Variants in NLGN1 observed in about 807,000 individuals in gnomAD.
The protein encoded by NLGN1 is neuroligin-1.
A neutral mutation model predicts 65.5 loss-of-function variants in NLGN1; 12 were observed. The ratio of observed to expected loss-of-function variants is 0.18; its 90% CI spans 0.12 to 0.30. The LOEUF (loss-of-function observed/expected upper bound fraction) is 0.30, where lower values mean the gene tolerates loss of function less well. Among genes scored for constraint, NLGN1 ranks in the 10% least tolerant of loss-of-function variants. The pLI, the probability that NLGN1 is intolerant of heterozygous loss-of-function variation, is 1.00. For missense variants in NLGN1, 750 were observed against 1,007.1 expected (o/e 0.74, Z 3.46); for synonymous variants, 350 against 359.5 (o/e 0.97, Z 0.30).
intron 4 of NLGN1, among the ~76,000 whole-genome samples, chr3:174,085,024 C>T (rs1422495673): frequency 6.6e-6 from 1 of 151,886 alleles, no homozygotes; most frequent in Non-Finnish European, 1.5e-5. Flanking sequence ...GAAAGAAAAA[C>T]ATTCTCATAT....
At chr3:174,241,968 T>G (rs1241003176) in intron 4 of NLGN1, among the ~76,000 whole-genome samples, 1 of 152,114 alleles carries the variant, frequency 6.6e-6, no homozygotes, top group African/African-American at 2.4e-5. Flanking sequence ...CCAACGTATC[T>G]TTATCAATGT....
At chr3:173,736,697 A>G (rs1287054246) in intron 3 of NLGN1, among the ~76,000 whole-genome samples, 1 of 152,064 alleles carries the variant, frequency 6.6e-6, no homozygotes, top group Non-Finnish European at 1.5e-5. Flanking sequence ...TACCTACAAA[A>G]TATTAAAGGT....
At chr3:173,987,160 A>T (rs571666497) in intron 4 of NLGN1, among the ~76,000 whole-genome samples, 1 of 152,186 alleles carries the variant, frequency 6.6e-6, no homozygotes, top group African/African-American at 2.4e-5. Context: ...CTTCCCTGAA[A>T]TTACTGCTAC....
chr3:173,412,105 A>G (rs1712691993), intron 1 of NLGN1, among the ~76,000 whole-genome samples: 1 of 152,190 alleles, frequency 6.6e-6, no homozygotes, highest in Non-Finnish European at 1.5e-5. Flanking sequence ...TTCAAAATGT[A>G]AAATTGTGTT....
intron 4 of NLGN1, among the ~76,000 whole-genome samples, chr3:173,891,638 A>G (rs988585521): frequency 2.6e-5 from 4 of 152,134 alleles, no homozygotes; most frequent in Non-Finnish European, 4.4e-5. Flanking sequence ...GTCCAGGCCC[A>G]TTTGCCAACC....
chr3:173,504,367 A>G (rs1370347203), intron 2 of NLGN1, among the ~76,000 whole-genome samples: 1 of 152,124 alleles, frequency 6.6e-6, no homozygotes, highest in Non-Finnish European at 1.5e-5. Flanking sequence ...CTGATAGCTC[A>G]TATGTGTGCT....
At chr3:174,058,756 G>T (rs988950066) in intron 4 of NLGN1, among the ~76,000 whole-genome samples, 2 of 150,638 alleles carry the variant, frequency 1.3e-5, no homozygotes, top group African/African-American at 4.9e-5. Context: ...TAGTTATAGT[G>T]AAAAAAAAAT....
At chr3:173,842,993 C>T (rs901914788) in intron 4 of NLGN1, among the ~76,000 whole-genome samples, 5 of 152,224 alleles carry the variant, frequency 3.3e-5, no homozygotes, top group Admixed American at 6.5e-5. Flanking sequence ...GGCATCCAGG[C>T]GTTTCCATAC....
In NLGN1 at chr3:174,146,725, G is replaced by A. The variant is rs182419347; in HGVS notation, c.647-128590G>A. 4.9e-4 allele frequency among the ~76,000 whole-genome samples: 75 copies of A among 151,954 alleles called. No individual in the cohort carries two copies. The East Asian group carries it at 0.012, about 25-fold the overall frequency. ...TGGGATTACAGGCACCCGCCACTGC[G>A]CCGGGCTAATTTTTGTATTTTTAGT... On this transcript the variant is annotated intron_variant, in intron 4 of 6. Transcript: ENST00000457714.
intron 2 of NLGN1, among the ~76,000 whole-genome samples, chr3:173,467,651 A>G (rs763719929): frequency 6.6e-6 from 1 of 152,154 alleles, no homozygotes; most frequent in South Asian, 2.1e-4. Context: ...TCATGTTTAT[A>G]AGTGAGATAA....
chr3:174,089,863 A>G (rs993987699), intron 4 of NLGN1, among the ~76,000 whole-genome samples: 2 of 151,530 alleles, frequency 1.3e-5, no homozygotes, highest in Non-Finnish European at 2.9e-5. Context: ...AGTAAGCTCT[A>G]TAATATTTGC....
chr3:173,873,457 T>C (rs1731551934), intron 4 of NLGN1, among the ~76,000 whole-genome samples: 1 of 152,138 alleles, frequency 6.6e-6, no homozygotes, highest in African/African-American at 2.4e-5. Flanking sequence ...TCTGTCAGTA[T>C]AAGAAAAACT....
chr3:173,401,365 CCT>C (rs1246465568), intron 1 of NLGN1, among the ~76,000 whole-genome samples: 7 of 151,912 alleles, frequency 4.6e-5, no homozygotes, highest in South Asian at 4.2e-4. Context: ...CTTCCCTACC[CCT>C]GTTTTTTTTT....
chr3:173,846,223 T>G (rs565251779), intron 4 of NLGN1, among the ~76,000 whole-genome samples: 1 of 152,316 alleles, frequency 6.6e-6, no homozygotes, highest in Non-Finnish European at 1.5e-5. Context: ...ATTCTCCAGT[T>G]AAAATTCCAT....
intron 3 of NLGN1, among the ~76,000 whole-genome samples, chr3:173,606,517 A>G (rs1320322174): frequency 6.6e-6 from 1 of 152,076 alleles, no homozygotes; most frequent in Non-Finnish European, 1.5e-5. Context: ...AATGCTGCAC[A>G]TTCTATCTCT....
At chr3:174,278,351 C>A (rs1057285786) in intron 5 of NLGN1, among the ~76,000 whole-genome samples, 1 of 151,920 alleles carries the variant, frequency 6.6e-6, no homozygotes, top group African/African-American at 2.4e-5. Flanking sequence ...CAGCCAGCCC[C>A]AGTCATTGTA....
chr3:173,716,320 AG>A (rs982813614), intron 3 of NLGN1, among the ~76,000 whole-genome samples: 3 of 152,194 alleles, frequency 2.0e-5, no homozygotes, highest in Admixed American at 1.3e-4. Context: ...GCTTGTCAAT[AG>A]GGTAGTGTTT....
intron 4 of NLGN1, among the ~76,000 whole-genome samples, chr3:174,216,390 T>G (rs755353107): frequency 3.9e-5 from 6 of 152,166 alleles, no homozygotes; most frequent in Admixed American, 6.5e-5. Flanking sequence ...GTTCAGGCTT[T>G]ATGGATCAAT....
intron 2 of NLGN1, among the ~76,000 whole-genome samples, chr3:173,448,988 T>C (rs982226078): frequency 1.3e-5 from 2 of 152,188 alleles, no homozygotes; most frequent in African/African-American, 4.8e-5. Flanking sequence ...GGTCTATCAA[T>C]TTTGTTGATC....
Sources: allele counts gnomAD v4.1 joint callset (sites outside exome capture counted in the v4.1 genomes callset), GRCh38; gene constraint gnomAD v4.1.1; transcripts MANE v1.5; gene names NCBI Gene and HGNC (gene_info 2026-07-23, HGNC 2026-07-21).